Variants in CCL28 observed in about 807,000 individuals in gnomAD.
CCL28 encodes C-C motif chemokine ligand 28.
CCL28 carries 4 observed loss-of-function variants against 7.1 expected under a neutral mutation model. The ratio of observed to expected loss-of-function variants is 0.56; its 90% CI spans 0.28 to 1.29. The LOEUF is 1.29. Ranked by LOEUF, CCL28 falls within the 50% of genes most tolerant of loss-of-function variation. The pLI, the probability that CCL28 is intolerant of heterozygous loss-of-function variation, is 0.11. For synonymous variants in CCL28, 55 were observed against 57.8 expected (o/e 0.95, Z 0.22); for missense variants, 151 against 163.4 (o/e 0.92, Z 0.41).
chr5:43,366,715 G>A, the CCL28 span, among the ~76,000 whole-genome samples: 1 of 152,220 alleles, frequency 6.6e-6, no homozygotes. Context: ...CAGCAGGCTG[G>A]AATGTCTAAG....
At chr5:43,375,877 T>G (rs1303905632), downstream of CCL28, among the ~76,000 whole-genome samples, 1 of 150,486 alleles carries the variant, frequency 6.6e-6, no homozygotes, top group Non-Finnish European at 1.5e-5. Flanking sequence ...CTACCAAAAA[T>G]ATAAAAAATT....
At chr5:43,372,113 A>G (rs549908067), downstream of CCL28, among the ~76,000 whole-genome samples, 1 of 152,330 alleles carries the variant, frequency 6.6e-6, no homozygotes, top group East Asian at 1.9e-4. Flanking sequence ...CAAGCCATTC[A>G]TGAAGGATCT....
intron 1 of CCL28, among the ~76,000 whole-genome samples, chr5:43,390,422 T>C (rs1330800930): frequency 6.6e-6 from 1 of 152,234 alleles, no homozygotes; most frequent in Non-Finnish European, 1.5e-5. Flanking sequence ...TGAGGTATAA[T>C]GCAAGACTTT....
At chr5:43,378,342 C>A (rs115826237), downstream of CCL28, among the ~76,000 whole-genome samples, 447 of 151,796 alleles carry the variant, frequency 2.9e-3, 5 homozygotes, top group African/African-American at 0.01. Context: ...CAGAGCAAGA[C>A]CCTGTCTCAA....
intron 1 of CCL28, among the ~76,000 whole-genome samples, chr5:43,393,862 C>G (rs925474356): frequency 6.6e-6 from 1 of 152,158 alleles, no homozygotes. Flanking sequence ...TCTCACAAGA[C>G]GTGTAGAAAC....
At chr5:43,401,388 C>T (rs1263054408) in intron 1 of CCL28, among the ~76,000 whole-genome samples, 3 of 152,070 alleles carry the variant, frequency 2.0e-5, no homozygotes, top group Admixed American at 2.0e-4. Flanking sequence ...CTAGAGTGGT[C>T]AGGGGATAGT....
intron 1 of CCL28, among the ~76,000 whole-genome samples, chr5:43,396,574 T>C (rs557575709): frequency 6.6e-6 from 1 of 152,276 alleles, no homozygotes; most frequent in African/African-American, 2.4e-5. Flanking sequence ...ATTCAACTCA[T>C]GGGTTAAAGA....
the CCL28 span, among the ~76,000 whole-genome samples, chr5:43,363,832 C>G: frequency 2.0e-5 from 3 of 152,186 alleles, no homozygotes; most frequent in Admixed American, 1.3e-4. Flanking sequence ...GAAACTGCTG[C>G]TAACCCATAA....
the CCL28 span, among the ~76,000 whole-genome samples, chr5:43,359,276 A>C: frequency 3.9e-5 from 6 of 152,340 alleles, no homozygotes; most frequent in Non-Finnish European, 5.9e-5. Context: ...ATTTACCCAC[A>C]TATTTATTAA....
At chr5:43,367,868 T>C in the CCL28 span, among the ~76,000 whole-genome samples, 1 of 152,244 alleles carries the variant, frequency 6.6e-6, no homozygotes, top group South Asian at 2.1e-4. Flanking sequence ...TGATTGTCTC[T>C]CACTTTGTTA....
At chr5:43,377,385 G>C (rs562508090), downstream of CCL28, 1 of 151,294 alleles carries the variant, frequency 6.6e-6, no homozygotes, top group Non-Finnish European at 1.5e-5. Context: ...CCAGCTACTT[G>C]GAAGGCTGAG....
chr5:43,357,483 T>C, the CCL28 span, among the ~76,000 whole-genome samples: 15 of 152,316 alleles, frequency 9.8e-5, no homozygotes, highest in South Asian at 6.2e-4. Flanking sequence ...AGAGTTGTTG[T>C]CATTGATCTT....
chr5:43,366,876 C>T, the CCL28 span, among the ~76,000 whole-genome samples: 75 of 152,364 alleles, frequency 4.9e-4, no homozygotes, highest in Non-Finnish European at 9.0e-4. Flanking sequence ...GGCAGTCTGG[C>T]TACAGCGGCT....
At chr5:43,370,785 A>G in the CCL28 span, among the ~76,000 whole-genome samples, 2 of 138,572 alleles carry the variant, frequency 1.4e-5, no homozygotes, top group Non-Finnish European at 3.0e-5. Flanking sequence ...TTTGTTGTGC[A>G]TGGTGGAGTG....
At chr5:43,369,414 A>T in the CCL28 span, among the ~76,000 whole-genome samples, 4,383 of 152,080 alleles carry the variant, frequency 0.029, 161 homozygotes, top group African/African-American at 0.086. Context: ...TTTATTTTTT[A>T]AATTTTATTT....
the CCL28 span, among the ~76,000 whole-genome samples, chr5:43,369,220 C>A: frequency 6.6e-6 from 1 of 152,048 alleles, no homozygotes; most frequent in Admixed American, 6.6e-5. Context: ...GCTTAAGGGC[C>A]TGAACACTAG....
chr5:43,382,645 A>G (rs1192372146), intron 2 of CCL28, among the ~76,000 whole-genome samples: 2 of 152,160 alleles, frequency 1.3e-5, no homozygotes, highest in African/African-American at 4.8e-5. Flanking sequence ...AATAGTCTAG[A>G]AGTGTCTTGA....
chr5:43,359,752 A>G, the CCL28 span, among the ~76,000 whole-genome samples: 4 of 152,254 alleles, frequency 2.6e-5, no homozygotes, highest in African/African-American at 9.6e-5. Context: ...TATACATAAC[A>G]TCAGTATTGT....
the CCL28 span, among the ~76,000 whole-genome samples, chr5:43,365,194 G>A: frequency 2.0e-5 from 3 of 151,918 alleles, no homozygotes; most frequent in African/African-American, 7.3e-5. Flanking sequence ...TAGTAGAGAT[G>A]TGGTTTCATC....
Sources: allele counts gnomAD v4.1 joint callset (sites outside exome capture counted in the v4.1 genomes callset), GRCh38; gene constraint gnomAD v4.1.1; transcripts MANE v1.5; gene names NCBI Gene and HGNC (gene_info 2026-07-23, HGNC 2026-07-21).